The following UGT2A1 variants were observed in gnomAD, a reference collection of about 807,000 sequenced individuals.
UGT2A1 encodes UDP-glucuronosyltransferase 2A1.
A neutral mutation model predicts 45.4 loss-of-function variants in UGT2A1; 61 were observed. That is an observed-to-expected ratio of 1.34 (90% CI 1.09 to 1.66). The LOEUF (loss-of-function observed/expected upper bound fraction) is 1.66. UGT2A1 is among the 40% of genes most tolerant of loss of function. The pLI, the probability that UGT2A1 is intolerant of heterozygous loss-of-function variation, is 0.00. For missense variants in UGT2A1, 649 were observed against 574.3 expected, an observed-to-expected ratio of 1.13 and a Z score of -1.33; for synonymous variants, 229 against 196.2, an observed-to-expected ratio of 1.17 and a Z score of -1.40.
chr4:69,638,977 T>G (rs182483408), intron 2 of UGT2A1: 1 of 1,613,040 alleles, frequency 6.2e-7, no homozygotes, highest in Non-Finnish European at 8.5e-7. Flanking sequence ...TAAGATATGG[T>G]ATTTTTAATC....
rs1166187807 is a variant in UGT2A1 at position 69,604,509 on chromosome 4, C to A, written c.848-5115G>T. 1.5e-5 allele frequency among the ~76,000 whole-genome samples: 2 copies of A among 136,548 alleles called. 1 individual carries two copies. The allele number at this position is 136,548 out of a possible 152,430, so 89.6% of individuals were successfully genotyped here. ...CATCGAGGCTAGGAAGAAACTGCAT[C>A]AACTAATGAGCAAAATAACTAGCTA... is the stretch of plus-strand genomic sequence containing the variant. On this transcript the variant is annotated intron_variant, in intron 3 of 6. Coordinates refer to ENST00000286604, the MANE Select transcript of UGT2A1 (RefSeq NM_001252275.3).
At chr4:69,617,421 T>C (rs760911842) in intron 3 of UGT2A1, among the ~76,000 whole-genome samples, 2 of 151,952 alleles carry the variant, frequency 1.3e-5, no homozygotes, top group African/African-American at 2.4e-5. Flanking sequence ...ATAATATATA[T>C]GTTTATAACA....
chr4:69,645,122 T>G (rs532669730), intron 2 of UGT2A1, among the ~76,000 whole-genome samples: 13 of 151,788 alleles, frequency 8.6e-5, no homozygotes, highest in Admixed American at 3.3e-4. Context: ...TAGCAAACAT[T>G]ACAGTCTCTG....
Position 69,626,760 on chromosome 4 carries a change from T to C in UGT2A1, c.847+8931A>G, listed in dbSNP as rs118177939. Among the ~76,000 whole-genome samples, 161 of 152,034 alleles carry C rather than the reference T, an allele frequency of 1.1e-3. No individual in the cohort carries two copies. The East Asian group carries it at 0.026, about 25-fold the overall frequency. On this transcript the variant is annotated intron_variant, in intron 3 of 6. Coordinates refer to ENST00000286604, the MANE Select transcript of UGT2A1 (RefSeq NM_001252275.3). ...GAGATTGCTTGTTCATTGAACTGTT[T>C]ATACAGTATAAACTAAAATATTAAT...
In UGT2A1 at chr4:69,589,668, T is replaced by C. The variant is rs1401921426; in HGVS notation, c.1305-17A>G. 6.3e-6 allele frequency: 10 copies of C among 1,576,818 alleles called. No individual in the cohort carries two copies. Among genetic ancestry groups the C allele is most frequent in the Non-Finnish European group, 8.6e-6 (10 of 1,160,090 alleles). On this transcript the variant is annotated splice_polypyrimidine_tract_variant and intron_variant, in intron 6 of 6. Transcript: ENST00000286604. ...TCTTTATAACTAGAAGACAAATAAA[T>C]AGGCAGAAATTAGACAATTTTTGTT...
At chr4:69,601,189 C>A (rs760521894) in intron 3 of UGT2A1, among the ~76,000 whole-genome samples, 7 of 152,146 alleles carry the variant, frequency 4.6e-5, no homozygotes, top group African/African-American at 7.2e-5. Context: ...GCAGAGGCGG[C>A]TGCACTTCTC....
chr4:69,621,508 C>A (rs1348270506), intron 3 of UGT2A1, among the ~76,000 whole-genome samples: 1 of 151,862 alleles, frequency 6.6e-6, no homozygotes, highest in Non-Finnish European at 1.5e-5. Flanking sequence ...ATAACAGATG[C>A]TGGCGAGGTT....
intron 6 of UGT2A1, among the ~76,000 whole-genome samples, chr4:69,591,791 CTG>C (rs999479397): frequency 7.2e-5 from 11 of 152,204 alleles, no homozygotes; most frequent in African/African-American, 2.6e-4. Context: ...GAATCACAGA[CTG>C]TACCTACACT....
intron 4 of UGT2A1, among the ~76,000 whole-genome samples, chr4:69,597,089 G>A (rs138868948): frequency 2.2e-4 from 33 of 152,216 alleles, no homozygotes; most frequent in African/African-American, 7.9e-4. Context: ...TAGCATTCCA[G>A]TTATATCTAA....
rs1719471468 is a variant in UGT2A1, at chr4:69,604,312, A to T, written c.848-4918T>A. On this transcript the variant is annotated intron_variant, in intron 3 of 6. Coordinates refer to ENST00000286604, the MANE Select transcript of UGT2A1 (RefSeq NM_001252275.3). ...TCAACCCAGAATTTCATATCTAGCCAAACTAAGCTTCATAAGAGGAGAAGG... is the reference window on the plus strand; with the variant it reads ...TCAACCCAGAATTTCATATCTAGCCTAACTAAGCTTCATAAGAGGAGAAGG... Among the ~76,000 whole-genome samples the T allele has an allele frequency of 1.6e-5, 2 of 127,012 alleles. 1 individual carries two copies. The highest frequency in any genetic ancestry group is 3.4e-5 in the Non-Finnish European group (2 of 59,622). 83.3% of individuals were successfully genotyped at this position (127,012 alleles called of 152,430 possible).
intron 3 of UGT2A1, among the ~76,000 whole-genome samples, chr4:69,609,052 G>A (rs1897441): frequency 0.23 from 35,443 of 151,492 alleles, 4,352 homozygotes; most frequent in Middle Eastern, 0.31. Flanking sequence ...TAAAATCTAC[G>A]ATTCATTATC....
intron 3 of UGT2A1, among the ~76,000 whole-genome samples, chr4:69,634,053 G>A (rs1332787715): frequency 6.6e-6 from 1 of 152,028 alleles, no homozygotes; most frequent in East Asian, 1.9e-4. Context: ...AGACCATCCT[G>A]GCTAACATGG....
At chr4:69,629,954 T>G (rs1181828874) in intron 3 of UGT2A1, among the ~76,000 whole-genome samples, 1 of 152,102 alleles carries the variant, frequency 6.6e-6, no homozygotes, top group African/African-American at 2.4e-5. Flanking sequence ...GAAATTTCTT[T>G]GTAAAATATT....
At chr4:69,624,031 TTCC>T (rs1197900685) in intron 3 of UGT2A1, among the ~76,000 whole-genome samples, 1 of 151,576 alleles carries the variant, frequency 6.6e-6, no homozygotes, top group Non-Finnish European at 1.5e-5. Flanking sequence ...ACTCTGTTAT[TTCC>T]TCATTTATTT....
chr4:69,636,243 CAT>C (rs1266737663), intron 2 of UGT2A1, among the ~76,000 whole-genome samples: 1 of 152,134 alleles, frequency 6.6e-6, no homozygotes, highest in Non-Finnish European at 1.5e-5. Context: ...AAAAATTTGA[CAT>C]GTTGTTAGCT....
chr4:69,638,349 A>G (rs1721836774), intron 2 of UGT2A1, among the ~76,000 whole-genome samples: 1 of 152,146 alleles, frequency 6.6e-6, no homozygotes, highest in Non-Finnish European at 1.5e-5. Context: ...GTTTCATGCA[A>G]GGAAACATGA....
At chr4:69,633,178 A>G (rs2109958734) in intron 3 of UGT2A1, among the ~76,000 whole-genome samples, 1 of 152,318 alleles carries the variant, frequency 6.6e-6, no homozygotes, top group Non-Finnish European at 1.5e-5. Context: ...TTGATGTGTT[A>G]GTTACACACA....
intron 3 of UGT2A1, among the ~76,000 whole-genome samples, chr4:69,617,345 T>A (rs1208148110): frequency 6.6e-6 from 1 of 151,790 alleles, no homozygotes; most frequent in East Asian, 1.9e-4. Flanking sequence ...TTATTAGGAG[T>A]TTAATAATTT....
chr4:69,620,810 CAG>C (rs1280887148), intron 3 of UGT2A1, among the ~76,000 whole-genome samples: 1 of 151,720 alleles, frequency 6.6e-6, no homozygotes, highest in Non-Finnish European at 1.5e-5. Context: ...ACAAAGGAAA[CAG>C]AATAGAGAGC....
Sources: gnomAD v4.1 joint callset for allele counts (sites outside exome capture counted in the v4.1 genomes callset) on GRCh38, gnomAD v4.1.1 for gene constraint, MANE v1.5 for transcripts, NCBI Gene and HGNC (gene_info 2026-07-23, HGNC 2026-07-21) for gene names.